PAWR: variants seen among roughly 807,000 people sequenced by gnomAD.
PAWR encodes PRKC apoptosis WT1 regulator protein.
A neutral mutation model predicts 32.0 loss-of-function variants in PAWR; 23 were observed. The observed-to-expected ratio is 0.72, with a 90% CI of 0.52 to 1.02. PAWR has a LOEUF of 1.02. Ranked by LOEUF, PAWR falls within the 50% of genes least tolerant of loss-of-function variation. PAWR has a pLI of 0.00. For missense variants in PAWR, 457 were observed against 437.7 expected, an observed-to-expected ratio of 1.04 and a Z score of -0.39; for synonymous variants, 226 against 187.1, an observed-to-expected ratio of 1.21 and a Z score of -1.70.
intron 3 of PAWR, among the ~76,000 whole-genome samples, chr12:79,618,021 A>C (rs965115978): frequency 2.6e-5 from 4 of 152,200 alleles, no homozygotes; most frequent in Admixed American, 2.0e-4. Flanking sequence ...TAGAAGTGTG[A>C]GACAATTTAA....
At chr12:79,649,351 ATATAT>A (rs1248305604) in intron 2 of PAWR, among the ~76,000 whole-genome samples, 4 of 152,156 alleles carry the variant, frequency 2.6e-5, no homozygotes, top group East Asian at 1.9e-4. Context: ...GACATTTATG[ATATAT>A]TATATATAAT....
At chr12:79,654,350 T>C (rs1468022935) in intron 2 of PAWR, among the ~76,000 whole-genome samples, 1 of 152,074 alleles carries the variant, frequency 6.6e-6, no homozygotes. Context: ...AATTTTAAAA[T>C]GGAGAGGGAT....
chr12:79,653,761 G>A (rs992397756), intron 2 of PAWR, among the ~76,000 whole-genome samples: 3 of 152,248 alleles, frequency 2.0e-5, no homozygotes, highest in Admixed American at 1.3e-4. Context: ...TTACAGGCGT[G>A]AGCCACTGCA....
chr12:79,611,409 TTCTA>T (rs1048288878), intron 4 of PAWR, among the ~76,000 whole-genome samples: 1 of 151,266 alleles, frequency 6.6e-6, no homozygotes, highest in South Asian at 2.1e-4. Flanking sequence ...GATGCCAAAT[TTCTA>T]TCTTTTACTC....
At chr12:79,635,264 C>A (rs976267848) in intron 2 of PAWR, among the ~76,000 whole-genome samples, 1 of 152,048 alleles carries the variant, frequency 6.6e-6, no homozygotes, top group African/African-American at 2.4e-5. Flanking sequence ...CCAAGTATGT[C>A]TCTGGGGCAA....
chr12:79,599,579 GCTGT>G (rs1305345739), intron 4 of PAWR, among the ~76,000 whole-genome samples: 6 of 152,220 alleles, frequency 3.9e-5, no homozygotes, highest in Non-Finnish European at 8.8e-5. Flanking sequence ...TTCAGAGCAA[GCTGT>G]ATGTCAGCAA....
intron 4 of PAWR, among the ~76,000 whole-genome samples, chr12:79,606,328 G>A (rs931566236): frequency 6.6e-6 from 1 of 152,144 alleles, no homozygotes; most frequent in African/African-American, 2.4e-5. Flanking sequence ...CACCTTAAAA[G>A]AGTGAATTTT....
At chr12:79,675,000 A>G (rs1051949215) in intron 2 of PAWR, among the ~76,000 whole-genome samples, 6 of 152,174 alleles carry the variant, frequency 3.9e-5, no homozygotes, top group Admixed American at 2.6e-4. Context: ...AGCAGTTTGG[A>G]GATTTCTCAA....
rs1873353905 is a variant in PAWR, at chr12:79,585,216, AAAGACC to A, written c.*7385_*7390del. ...TGTTATTTCTACAATGTCCAAAAAG[AAAGACC>A]AAGATCTTTGCTTAAAAATAGAAAT... On this transcript the variant is annotated 3_prime_UTR_variant, in exon 7 of 7. Transcript: ENST00000328827. The A allele has an allele frequency of 2.3e-6, 1 of 442,300 alleles. No homozygotes were observed. The highest frequency in any genetic ancestry group is 4.5e-6 in the Non-Finnish European group (1 of 223,080). The allele number at this position is 442,300 out of a possible 1,614,324, so 27.4% of individuals were successfully genotyped here. A position where few individuals can be genotyped will look rare whatever the true frequency, so the allele number is the denominator to read the frequency against.
At chr12:79,639,929 G>C (rs1184216536) in intron 2 of PAWR, among the ~76,000 whole-genome samples, 2 of 126,900 alleles carry the variant, frequency 1.6e-5, no homozygotes, top group Non-Finnish European at 3.0e-5. Flanking sequence ...TCTAGAGATG[G>C]AGTCTCACTC....
At chr12:79,671,417 C>T (rs1326890667) in intron 2 of PAWR, among the ~76,000 whole-genome samples, 2 of 152,110 alleles carry the variant, frequency 1.3e-5, no homozygotes, top group Non-Finnish European at 1.5e-5. Flanking sequence ...GTGTAGTTAG[C>T]GTAGAAGTAG....
chr12:79,600,933 T>G (rs942982601), intron 4 of PAWR, among the ~76,000 whole-genome samples: 1 of 152,154 alleles, frequency 6.6e-6, no homozygotes, highest in Non-Finnish European at 1.5e-5. Flanking sequence ...TGCACTTGGA[T>G]GTGATGATGA....
At chr12:79,642,572 T>C (rs1357000254) in intron 2 of PAWR, among the ~76,000 whole-genome samples, 1 of 152,096 alleles carries the variant, frequency 6.6e-6, no homozygotes, top group East Asian at 1.9e-4. Context: ...CATTTGGCCT[T>C]TTTTCTGTGT....
At chr12:79,624,435 C>A (rs901115704) in intron 2 of PAWR, among the ~76,000 whole-genome samples, 1 of 152,050 alleles carries the variant, frequency 6.6e-6, no homozygotes, top group Non-Finnish European at 1.5e-5. Flanking sequence ...AACTGTGATA[C>A]CTGAAGTTAA....
intron 2 of PAWR, among the ~76,000 whole-genome samples, chr12:79,632,358 TATA>T (rs1429870782): frequency 9.6e-4 from 48 of 49,890 alleles, no homozygotes; most frequent in Non-Finnish European, 1.4e-3. Flanking sequence ...TATATATATA[TATA>T]TTTTTTTTTT....
chr12:79,652,318 AC>A (rs1453518424), intron 2 of PAWR, among the ~76,000 whole-genome samples: 6 of 152,228 alleles, frequency 3.9e-5, no homozygotes, highest in African/African-American at 1.4e-4. Flanking sequence ...TTTACAACTG[AC>A]CCTAAAAACC....
At position 79,679,995 on chromosome 12, in the gene PAWR, T is replaced by C. The variant is rs8176814; in HGVS notation, c.516+9734A>G. On this transcript the variant is annotated intron_variant, in intron 2 of 6. Coordinates refer to ENST00000328827, the MANE Select transcript of PAWR (RefSeq NM_002583.4). The stretch of plus-strand genomic sequence containing the variant: ...TTGGATTGATCTTCCCAAGCCATTG[T>C]TTTCTATGTTTTTACAACGTTTTAC... 4.9e-3 allele frequency among the ~76,000 whole-genome samples: 740 copies of C among 152,340 alleles called. 7 individuals are homozygous for C. Among genetic ancestry groups the C allele is most frequent in the African/African-American group, 0.017 (703 of 41,588 alleles).
At chr12:79,652,137 G>C (rs1351444457) in intron 2 of PAWR, among the ~76,000 whole-genome samples, 2 of 152,070 alleles carry the variant, frequency 1.3e-5, no homozygotes, top group Non-Finnish European at 2.9e-5. Context: ...TTTCAGTTTG[G>C]AAAGATGAAA....
chr12:79,686,388 C>T (rs1292147561), intron 2 of PAWR, among the ~76,000 whole-genome samples: 1 of 152,256 alleles, frequency 6.6e-6, no homozygotes, highest in East Asian at 1.9e-4. Context: ...CTGAGAGCAC[C>T]TCGTGGGCAA....
Sources: allele counts gnomAD v4.1 joint callset (sites outside exome capture counted in the v4.1 genomes callset), GRCh38; gene constraint gnomAD v4.1.1; transcripts MANE v1.5; gene names NCBI Gene and HGNC (gene_info 2026-07-23, HGNC 2026-07-21).